CACHD1: variants seen among roughly 807,000 people sequenced by gnomAD.
The protein encoded by CACHD1 is VWFA and cache domain-containing protein 1.
Under a neutral mutation model 138.7 loss-of-function variants are expected in CACHD1, and 71 were observed. That is an observed-to-expected ratio of 0.51 (90% CI 0.42 to 0.62). The LOEUF (loss-of-function observed/expected upper bound fraction) is 0.62. CACHD1 is among the 20% of genes least tolerant of loss of function. The pLI, the probability that CACHD1 is intolerant of heterozygous loss-of-function variation, is 0.00. For synonymous variants in CACHD1, 578 were observed against 591.5 expected (o/e 0.98, Z 0.33); for missense variants, 1,389 against 1,625.3 (o/e 0.85, Z 2.50).
chr1:64,584,235 C>T (rs200963284), intron 3 of CACHD1, among the ~76,000 whole-genome samples: 2 of 152,298 alleles, frequency 1.3e-5, no homozygotes, highest in South Asian at 2.1e-4. Flanking sequence ...AAGCTCCTGG[C>T]ATCTCGTGAG....
chr1:64,552,709 G>A (rs182368617), intron 2 of CACHD1, among the ~76,000 whole-genome samples: 2 of 152,236 alleles, frequency 1.3e-5, no homozygotes, highest in African/African-American at 2.4e-5. Context: ...AAACTCCTCA[G>A]CGCAAACAAT....
intron 1 of CACHD1, among the ~76,000 whole-genome samples, chr1:64,536,340 T>C (rs1461183441): frequency 1.3e-5 from 2 of 152,198 alleles, no homozygotes; most frequent in African/African-American, 4.8e-5. Context: ...ACCCATGCTC[T>C]TTCCACTACA....
chr1:64,547,038 T>G (rs1646723454), intron 1 of CACHD1, among the ~76,000 whole-genome samples: 1 of 152,180 alleles, frequency 6.6e-6, no homozygotes, highest in Non-Finnish European at 1.5e-5. Context: ...ACAGTGCCTG[T>G]TTTTAACTCA....
chr1:64,633,758 C>G (rs1185019161), intron 6 of CACHD1, among the ~76,000 whole-genome samples: 1 of 152,188 alleles, frequency 6.6e-6, no homozygotes, highest in African/African-American at 2.4e-5. Flanking sequence ...TATGACTTTT[C>G]TCTGCATAAA....
At chr1:64,647,530 G>C (rs1198735898) in intron 8 of CACHD1, among the ~76,000 whole-genome samples, 3 of 152,196 alleles carry the variant, frequency 2.0e-5, no homozygotes, top group Admixed American at 1.3e-4. Context: ...CATTCTTACT[G>C]AATGGGACTC....
intron 1 of CACHD1, among the ~76,000 whole-genome samples, chr1:64,484,267 G>T (rs1646228465): frequency 6.6e-6 from 1 of 151,918 alleles, no homozygotes; most frequent in African/African-American, 2.4e-5. Context: ...TCAACGGAGA[G>T]GTTGGGAGGG....
At chr1:64,489,530 G>A (rs960708468) in intron 1 of CACHD1, among the ~76,000 whole-genome samples, 1 of 152,098 alleles carries the variant, frequency 6.6e-6, no homozygotes, top group Non-Finnish European at 1.5e-5. Flanking sequence ...CCGCTCTCAG[G>A]CCAACTCACA....
At chr1:64,607,725 A>G (rs957072524) in intron 4 of CACHD1, among the ~76,000 whole-genome samples, 3 of 152,158 alleles carry the variant, frequency 2.0e-5, no homozygotes, top group Non-Finnish European at 4.4e-5. Flanking sequence ...TAGCAAGAAG[A>G]GGAAAGGAAG....
intron 26 of CACHD1, among the ~76,000 whole-genome samples, chr1:64,685,452 G>A (rs1005511389): frequency 2.6e-5 from 4 of 152,052 alleles, no homozygotes; most frequent in Non-Finnish European, 5.9e-5. Context: ...GAGGTGGAGG[G>A]GGCTACAGAT....
At chr1:64,519,654 G>A (rs994511611) in intron 1 of CACHD1, among the ~76,000 whole-genome samples, 5 of 86,450 alleles carry the variant, frequency 5.8e-5, no homozygotes, top group Admixed American at 4.1e-4. Flanking sequence ...GTTAACCAGA[G>A]TTACTAAGCT....
chr1:64,479,879 T>C (rs1253433103), intron 1 of CACHD1, among the ~76,000 whole-genome samples: 1 of 152,104 alleles, frequency 6.6e-6, no homozygotes, highest in Admixed American at 6.5e-5. Context: ...TATTTGGAGG[T>C]GGTGTGCTCT....
intron 1 of CACHD1, among the ~76,000 whole-genome samples, chr1:64,476,642 G>A (rs1646176139): frequency 6.6e-6 from 1 of 152,212 alleles, no homozygotes. Context: ...TCAGGAATGA[G>A]CCCAAGAAAA....
In CACHD1 at chr1:64,671,610, T is replaced by C. The variant is rs776686626; in HGVS notation, c.2434T>C (p.Phe812Leu). 6.2e-7 allele frequency: 1 copy of C among 1,613,964 alleles called. No individual in the cohort carries two copies. The highest frequency in any genetic ancestry group is 8.5e-7 in the Non-Finnish European group (1 of 1,179,836). ...CACTGTGGCTGTGATGGGCATTGACTTCACACTCAGATACTTCTACAAAGT... is the reference window on the plus strand; with the variant it reads ...CACTGTGGCTGTGATGGGCATTGACCTCACACTCAGATACTTCTACAAAGT... ...GHTVAVMGID[F>L]TLRYFYKVLM... Residue 812 changes from phenylalanine to leucine, a missense_variant, in exon 17 of 27, where the codon TTC becomes CTC. By Grantham distance (22) the Phe-to-Leu change is conservative. This residue lies in a region of CACHD1 where 1,000 missense variants were observed against 1,114.7 expected (regional missense o/e 0.90). Coordinates refer to ENST00000651257, the MANE Select transcript of CACHD1 (RefSeq NM_020925.4).
At position 64,671,698 on chromosome 1, in the gene CACHD1, G is replaced by A. The variant is rs779118576; in HGVS notation, c.2510+12G>A. The A allele has an allele frequency of 2.5e-6, 4 of 1,613,676 alleles. No individual in the cohort carries two copies. The highest frequency in any genetic ancestry group is 2.2e-5 in the East Asian group (1 of 44,890). On this transcript the variant is annotated intron_variant, in intron 17 of 26. Coordinates refer to ENST00000651257, the MANE Select transcript of CACHD1 (RefSeq NM_020925.4). Reference sequence around the variant, plus strand: ...GGCAACAAAATAAGGTAAGTGCTTTGGGGATGCTATTTCCTTTCTAGCTGC... The same window carrying A: ...GGCAACAAAATAAGGTAAGTGCTTTAGGGATGCTATTTCCTTTCTAGCTGC...
At chr1:64,678,442 C>A in intron 23 of CACHD1, 132 bp downstream of exon 23, 4 of 951,322 alleles carry the variant, frequency 4.2e-6, no homozygotes, top group Non-Finnish European at 5.9e-6. Context: ...GTTACAAAAC[C>A]AAGGCAGATA....
chr1:64,622,285 A>G (rs1389364749), intron 4 of CACHD1, among the ~76,000 whole-genome samples: 1 of 152,254 alleles, frequency 6.6e-6, no homozygotes, highest in Non-Finnish European at 1.5e-5. Context: ...TCTCAGAGTC[A>G]TACATGCACT....
At chr1:64,526,537 A>G (rs1274596143) in intron 1 of CACHD1, among the ~76,000 whole-genome samples, 4 of 152,228 alleles carry the variant, frequency 2.6e-5, no homozygotes, top group Non-Finnish European at 5.9e-5. Flanking sequence ...GCTCCATAAC[A>G]GGGTTTCTTT....
At chr1:64,575,767 C>T (rs574479218) in intron 2 of CACHD1, among the ~76,000 whole-genome samples, 1 of 152,170 alleles carries the variant, frequency 6.6e-6, no homozygotes, top group Non-Finnish European at 1.5e-5. Flanking sequence ...AGGAAGCAGA[C>T]ATAAATAAAG....
At chr1:64,562,282 T>A (rs1462474479) in intron 2 of CACHD1, among the ~76,000 whole-genome samples, 1 of 152,134 alleles carries the variant, frequency 6.6e-6, no homozygotes, top group African/African-American at 2.4e-5. Context: ...GGTCTCTGAT[T>A]ACAGGTATGC....
Sources: gnomAD v4.1 joint callset for allele counts (sites outside exome capture counted in the v4.1 genomes callset) on GRCh38, gnomAD v4.1.1 for gene constraint, gnomAD v4.1.1 regional missense constraint, MANE v1.5 for transcripts, NCBI Gene and HGNC (gene_info 2026-07-23, HGNC 2026-07-21) for gene names.